AP3D1: variants seen among roughly 807,000 people sequenced by gnomAD.
AP3D1 encodes the protein AP-3 complex subunit delta-1.
Under a neutral mutation model 147.6 loss-of-function variants are expected in AP3D1, and 51 were observed. The observed-to-expected ratio is 0.35, with a 90% CI of 0.28 to 0.44. AP3D1 has a LOEUF of 0.44. Among genes scored for constraint, AP3D1 ranks in the 20% least tolerant of loss-of-function variants. The pLI is 1.00. For synonymous variants in AP3D1, 760 were observed against 663.0 expected, an observed-to-expected ratio of 1.15 and a Z score of -2.25; for missense variants, 1,421 against 1,624.2, an observed-to-expected ratio of 0.87 and a Z score of 2.15.
In AP3D1 at chr19:2,114,162, T is replaced by C; in HGVS notation, c.2564A>G (p.Glu855Gly). 6.3e-7 allele frequency: 1 copy of C among 1,577,620 alleles called. No homozygotes were observed. The highest frequency in any genetic ancestry group is 1.2e-5 in the South Asian group (1 of 86,848). ...KKKEKKHKEK[E>G]RDKEKKKEKE... ...CTCCTTCTTCTTCTCCTTGTCTCTC[T>C]CTTTCTCTTTGTGTTTTTTCTCTTT... The change falls in exon 22 of 32, where the codon GAG becomes GGG. Residue 855 changes from glutamate to glycine, a missense_variant. Coordinates refer to ENST00000643116, the MANE Select transcript of AP3D1 (RefSeq NM_001261826.3).
chr19:2,110,443 G>A (rs1413322150), intron 27 of AP3D1, among the ~76,000 whole-genome samples: 3 of 152,112 alleles, frequency 2.0e-5, no homozygotes, highest in Non-Finnish European at 4.4e-5. Context: ...GGGCAGACTT[G>A]GCCACTGGAA....
At position 2,115,287 on chromosome 19, in the gene AP3D1, G is replaced by T; in HGVS notation, c.2281C>A (p.Pro761Thr). Residue 761 changes from proline (P) to threonine (T), a missense_variant, in exon 20 of 32, where the codon CCC (proline) becomes ACC (threonine). Around this residue, in one of 6 missense-constraint regions of AP3D1, gnomAD observed 791 missense variants for 761.4 expected, o/e 1.04. Transcript: ENST00000643116. The stretch of plus-strand genomic sequence containing the variant: ...GCGATGTCCTCGTCGCTCTCCGTGG[G>T]CAGCGAGCTGTGGCGGCGCTTGCCC... Reference protein sequence around the residue: ...KKGKRRHSSLPTESDEDIAPA... With the variant: ...KKGKRRHSSLTTESDEDIAPA... 6.2e-7 allele frequency: 1 copy of T among 1,613,348 alleles called. No homozygotes were observed. Among genetic ancestry groups the T allele is most frequent in the Non-Finnish European group, 8.5e-7 (1 of 1,180,002 alleles).
chr19:2,114,689 G>C, intron 21 of AP3D1, 59 bp downstream of exon 21: 1 of 1,447,976 alleles, frequency 6.9e-7, no homozygotes, highest in Non-Finnish European at 9.6e-7. Context: ...GGGAGGACGA[G>C]AGGAAGGGAA....
rs1345039835 is a variant in AP3D1 at position 2,111,676 on chromosome 19, C to T, written c.2937+3G>A. On this transcript the variant is annotated splice_donor_region_variant and intron_variant, in intron 25 of 31. Transcript: ENST00000643116. The stretch of plus-strand genomic sequence containing the variant: ...GGGGCGGGGGCGCTGAAGTACCCCT[C>T]ACCGGGAGCTGCTCCTCCTCTGGCG... 14 of 1,584,644 alleles carry T rather than the reference C, an allele frequency of 8.8e-6. No individual in the cohort carries two copies. The highest frequency in any genetic ancestry group is 1.1e-5 in the South Asian group (1 of 87,992).
At chr19:2,164,504 A>G, upstream of AP3D1, 1 of 300,298 alleles carries the variant, frequency 3.3e-6, no homozygotes, top group Non-Finnish European at 6.1e-6. Flanking sequence ...CCCGAGCCCT[A>G]CCGCGGTGCC....
In AP3D1 at chr19:2,145,447, T is replaced by C. The variant is rs550512828; in HGVS notation, c.96+5792A>G. Among the ~76,000 whole-genome samples, 6 of 152,274 alleles carry C rather than the reference T, an allele frequency of 3.9e-5. No individual in the cohort carries two copies. In the South Asian group the frequency reaches 8.3e-4, roughly 21 times the overall value. On this transcript the variant is annotated intron_variant, in intron 1 of 31. Transcript: ENST00000643116. ...TGCCCCTCCAGGGGACACTGGGCGA[T>C]GTATGCAGCATCTGTGGTTGCCACG...
chr19:2,132,535 G>A lies in AP3D1; in HGVS notation c.398C>T (p.Thr133Met), dbSNP rs771788983. The change falls in exon 5 of 32, where the codon ACG (threonine) becomes ATG (methionine). Residue 133 changes from threonine to methionine, a missense_variant. Thr to Met is a moderately conservative substitution (Grantham distance 81). Around this residue, in one of 6 missense-constraint regions of AP3D1, gnomAD observed 292 missense variants for 412.0 expected, o/e 0.71. Coordinates refer to ENST00000643116, the MANE Select transcript of AP3D1 (RefSeq NM_001261826.3). The part of the protein sequence containing the change: ...PSQYDTGVAL[T>M]GLSCFVTPDL... Reference sequence around the variant, plus strand: ...TGGGGTGACGAAGCAGGACAGACCCGTCAGTGCAACACCTGTGTCGTACTG... The same window carrying A: ...TGGGGTGACGAAGCAGGACAGACCCATCAGTGCAACACCTGTGTCGTACTG... 28 of 1,611,540 alleles carry A rather than the reference G, an allele frequency of 1.7e-5. No individual in the cohort carries two copies. The highest frequency in any genetic ancestry group is 4.5e-5 in the East Asian group (2 of 44,814).
intron 24 of AP3D1, 125 bp downstream of exon 24, chr19:2,112,735 C>T (rs924757955): frequency 6.2e-6 from 4 of 649,632 alleles, no homozygotes; most frequent in Non-Finnish European, 1.0e-5. Context: ...CCCGTGAGAA[C>T]GCCAACACAA....
intron 5 of AP3D1, among the ~76,000 whole-genome samples, chr19:2,131,258 T>C (rs2018930209): frequency 6.6e-6 from 1 of 152,226 alleles, no homozygotes; most frequent in African/African-American, 2.4e-5. Flanking sequence ...AGCCACGATC[T>C]AGACACCTCC....
At chr19:2,126,818 C>A (rs1014924897) in intron 9 of AP3D1, among the ~76,000 whole-genome samples, 1 of 152,210 alleles carries the variant, frequency 6.6e-6, no homozygotes, top group Admixed American at 6.5e-5. Flanking sequence ...CAGCAGGGGC[C>A]GGCATCTGTG....
At chr19:2,162,798 C>G (rs1052865392) in intron 1 of AP3D1, among the ~76,000 whole-genome samples, 1 of 151,980 alleles carries the variant, frequency 6.6e-6, no homozygotes, top group African/African-American at 2.4e-5. Flanking sequence ...AGGAAAGCAT[C>G]GGAGGTCAAG....
chr19:2,142,319 T>G (rs1292852404), intron 1 of AP3D1, among the ~76,000 whole-genome samples: 2 of 151,670 alleles, frequency 1.3e-5, no homozygotes, highest in Non-Finnish European at 2.9e-5. Context: ...CGACCTAACA[T>G]TTTTTACTTT....
At chr19:2,130,939 C>T (rs190262658) in intron 5 of AP3D1, among the ~76,000 whole-genome samples, 8 of 152,380 alleles carry the variant, frequency 5.3e-5, no homozygotes, top group African/African-American at 1.9e-4. Context: ...CAGGGAGTCG[C>T]CTCGAACTGC....
chr19:2,102,572 T>C (rs1465127491), intron 31 of AP3D1, among the ~76,000 whole-genome samples: 1 of 151,634 alleles, frequency 6.6e-6, no homozygotes, highest in East Asian at 1.9e-4. Flanking sequence ...ACTAAAAATA[T>C]AAAAAATTAG....
intron 1 of AP3D1, 39 bp from the exon 2 acceptor site, chr19:2,138,753 G>T (rs1358778117): frequency 7.0e-7 from 1 of 1,426,016 alleles, no homozygotes. Flanking sequence ...CAAACATCCA[G>T]CTAAGAGGGC....
At chr19:2,123,918 A>G in intron 9 of AP3D1, 39 bp from the exon 10 acceptor site, 2 of 1,557,568 alleles carry the variant, frequency 1.3e-6, no homozygotes, top group Non-Finnish European at 1.7e-6. Flanking sequence ...GGTCAGCACC[A>G]TGGCCAGCGC....
At chr19:2,145,171 C>T (rs916801252) in intron 1 of AP3D1, among the ~76,000 whole-genome samples, 2 of 152,226 alleles carry the variant, frequency 1.3e-5, no homozygotes, top group East Asian at 1.9e-4. Flanking sequence ...CCAGGAAGGA[C>T]GTGAGGCTCC....
intron 1 of AP3D1, among the ~76,000 whole-genome samples, chr19:2,159,011 TA>T (rs1048518439): frequency 1.3e-5 from 2 of 149,242 alleles, no homozygotes; most frequent in Non-Finnish European, 3.0e-5. Context: ...TTTTTTTTTT[TA>T]ATGGAGTCTA....
At position 2,116,595 on chromosome 19, in the gene AP3D1, A is replaced by T. The variant is rs774422475; in HGVS notation, c.2001+10T>A. 307 of 1,581,294 alleles carry T rather than the reference A, an allele frequency of 1.9e-4. 1 individual carries two copies. The highest frequency in any genetic ancestry group is 1.6e-3 in the Middle Eastern group (8 of 4,870). Reference sequence around the variant, plus strand: ...AGACGAGGGCTCGCCAGGGGCAGCCAGCAGCTCACCCGAGCCAGCTCTTCC... The same window carrying T: ...AGACGAGGGCTCGCCAGGGGCAGCCTGCAGCTCACCCGAGCCAGCTCTTCC... On this transcript the variant is annotated intron_variant, in intron 17 of 31. Coordinates refer to ENST00000643116, the MANE Select transcript of AP3D1 (RefSeq NM_001261826.3).
Sources: gnomAD v4.1 joint callset for allele counts (sites outside exome capture counted in the v4.1 genomes callset) on GRCh38, gnomAD v4.1.1 for gene constraint, gnomAD v4.1.1 regional missense constraint, MANE v1.5 for transcripts, NCBI Gene and HGNC (gene_info 2026-07-23, HGNC 2026-07-21) for gene names.